GPC5: variants seen among roughly 807,000 people sequenced by gnomAD.
GPC5 encodes glypican 5.
In GPC5, 47 loss-of-function variants were observed where a neutral mutation model predicts 53.9. That is an observed-to-expected ratio of 0.87 (90% CI 0.69 to 1.11). The LOEUF (loss-of-function observed/expected upper bound fraction) is 1.11, where lower values mean the gene tolerates loss of function less well. GPC5 is among the 50% of genes most tolerant of loss of function. GPC5 has a pLI of 0.00. For synonymous variants in GPC5, 286 were observed against 263.3 expected, an observed-to-expected ratio of 1.09 and a Z score of -0.84; for missense variants, 748 against 713.1, an observed-to-expected ratio of 1.05 and a Z score of -0.56.
intron 7 of GPC5, among the ~76,000 whole-genome samples, chr13:92,450,332 T>C (rs933876134): frequency 5.9e-5 from 9 of 152,178 alleles, no homozygotes; most frequent in African/African-American, 1.9e-4. Context: ...TAATGAGATA[T>C]CTTAGGGATG....
chr13:92,065,435 T>C lies in GPC5; in HGVS notation c.1402-79395T>C, dbSNP rs571969060. On this transcript the variant is annotated intron_variant, in intron 6 of 7. Coordinates refer to ENST00000377067, the MANE Select transcript of GPC5 (RefSeq NM_004466.6). ...AAATAGTAAAGAAATAATTGGTTTTTTAAAAACCCTAAATTCCATGTTTAG... is the reference window on the plus strand; with the variant it reads ...AAATAGTAAAGAAATAATTGGTTTTCTAAAAACCCTAAATTCCATGTTTAG... Among the ~76,000 whole-genome samples the C allele has an allele frequency of 5.9e-5, 9 of 152,240 alleles. No individual in the cohort carries two copies. In the South Asian group the frequency reaches 1.9e-3, roughly 32 times the overall value.
At chr13:92,217,355 C>T (rs2042417991) in intron 7 of GPC5, among the ~76,000 whole-genome samples, 1 of 152,168 alleles carries the variant, frequency 6.6e-6, no homozygotes, top group South Asian at 2.1e-4. Flanking sequence ...CCTGCTAAGT[C>T]AGTTTATCAA....
intron 5 of GPC5, among the ~76,000 whole-genome samples, chr13:91,868,357 G>C (rs1038769116): frequency 1.3e-5 from 2 of 152,142 alleles, no homozygotes; most frequent in Non-Finnish European, 2.9e-5. Flanking sequence ...GTCAATTTTA[G>C]AGTAATCATG....
At chr13:92,479,249 G>A (rs189094810) in intron 7 of GPC5, among the ~76,000 whole-genome samples, 27 of 152,268 alleles carry the variant, frequency 1.8e-4, no homozygotes, top group Admixed American at 1.5e-3. Context: ...GACATACCAC[G>A]ATTGGGCCCA....
chr13:91,693,082 A>T, intron 2 of GPC5, 105 bp from the exon 3 acceptor site: 1 of 805,312 alleles, frequency 1.2e-6, no homozygotes, highest in Non-Finnish European at 2.0e-6. Flanking sequence ...GTTACAATTT[A>T]GATACTTAGA....
chr13:91,838,754 G>A (rs562279911), intron 5 of GPC5, among the ~76,000 whole-genome samples: 1 of 152,274 alleles, frequency 6.6e-6, no homozygotes, highest in African/African-American at 2.4e-5. Context: ...ACAGCAGCAG[G>A]TCAGAAGCTC....
chr13:92,054,967 G>T (rs2041062677), intron 6 of GPC5, among the ~76,000 whole-genome samples: 1 of 152,106 alleles, frequency 6.6e-6, no homozygotes, highest in Admixed American at 6.5e-5. Flanking sequence ...TGTCTCAAGA[G>T]TAACAGAGAT....
intron 4 of GPC5, among the ~76,000 whole-genome samples, chr13:91,746,437 C>G (rs1243671429): frequency 6.6e-6 from 1 of 152,066 alleles, no homozygotes; most frequent in African/African-American, 2.4e-5. Context: ...TTCTTGGATA[C>G]TTTTCTAGAT....
chr13:92,278,415 A>T (rs1481882253), intron 7 of GPC5, among the ~76,000 whole-genome samples: 3 of 152,038 alleles, frequency 2.0e-5, no homozygotes, highest in African/African-American at 7.2e-5. Context: ...AGTTGTGACT[A>T]ACAAAATAAA....
chr13:92,334,440 G>T (rs1171908796), intron 7 of GPC5, among the ~76,000 whole-genome samples: 8 of 152,134 alleles, frequency 5.3e-5, no homozygotes. Flanking sequence ...TCTAAGATGA[G>T]ATTTGGCTGG....
intron 5 of GPC5, among the ~76,000 whole-genome samples, chr13:91,893,814 T>A (rs2039413239): frequency 6.6e-6 from 1 of 152,150 alleles, no homozygotes; most frequent in African/African-American, 2.4e-5. Context: ...TATTCCATTG[T>A]TTACATTTTA....
intron 7 of GPC5, among the ~76,000 whole-genome samples, chr13:92,268,259 A>T (rs1423520004): frequency 6.6e-6 from 1 of 152,062 alleles, no homozygotes; most frequent in African/African-American, 2.4e-5. Flanking sequence ...GGAAATTAAA[A>T]ATTCTCCCAA....
intron 2 of GPC5, among the ~76,000 whole-genome samples, chr13:91,642,106 G>T (rs1166002490): frequency 2.0e-5 from 3 of 152,166 alleles, no homozygotes; most frequent in African/African-American, 7.2e-5. Flanking sequence ...TATCTAGGAG[G>T]AGATATTTGG....
At chr13:92,776,745 T>A (rs566467326) in intron 7 of GPC5, among the ~76,000 whole-genome samples, 23 of 152,142 alleles carry the variant, frequency 1.5e-4, no homozygotes, top group Non-Finnish European at 3.1e-4. Context: ...TATGTCATGC[T>A]ATAACAGACT....
intron 7 of GPC5, among the ~76,000 whole-genome samples, chr13:92,743,767 C>G (rs1402168346): frequency 6.6e-6 from 1 of 152,062 alleles, no homozygotes; most frequent in East Asian, 1.9e-4. Flanking sequence ...CCCATCAATA[C>G]CTAATTTATT....
intron 7 of GPC5, among the ~76,000 whole-genome samples, chr13:92,526,746 T>G (rs543780437): frequency 2.6e-5 from 4 of 152,002 alleles, no homozygotes; most frequent in African/African-American, 9.6e-5. Flanking sequence ...ATTATTTTTA[T>G]TATTAAAGTA....
At position 92,034,898 on chromosome 13, in the gene GPC5, A is replaced by G. The variant is rs559051290; in HGVS notation, c.1402-109932A>G. 7.2e-4 allele frequency among the ~76,000 whole-genome samples: 110 copies of G among 152,264 alleles called. 1 individual carries two copies. Among genetic ancestry groups the G allele is most frequent in the Non-Finnish European group, 5.1e-4 (35 of 68,014 alleles). On this transcript the variant is annotated intron_variant, in intron 6 of 7. Coordinates refer to ENST00000377067, the MANE Select transcript of GPC5 (RefSeq NM_004466.6). ...CGTATCATAGACTTCATGTTCTATT[A>G]TGGTAAATTTTACTTCCTCAATAAA...
intron 3 of GPC5, among the ~76,000 whole-genome samples, chr13:91,721,188 G>T (rs1022928120): frequency 4.6e-5 from 7 of 151,162 alleles, no homozygotes; most frequent in African/African-American, 1.5e-4. Context: ...AGGCTGGAAT[G>T]CAATGGTGCA....
At chr13:92,709,078 G>A (rs997857098) in intron 7 of GPC5, among the ~76,000 whole-genome samples, 5 of 149,764 alleles carry the variant, frequency 3.3e-5, no homozygotes, top group Admixed American at 6.7e-5. Context: ...ACAGTGTTTC[G>A]CTCTTGTTGC....
Sources: allele counts gnomAD v4.1 joint callset (sites outside exome capture counted in the v4.1 genomes callset), GRCh38; gene constraint gnomAD v4.1.1; transcripts MANE v1.5; gene names NCBI Gene and HGNC (gene_info 2026-07-23, HGNC 2026-07-21).